The following PTPN12 variants were observed in gnomAD, a reference collection of about 807,000 sequenced individuals.
PTPN12 encodes the protein protein tyrosine phosphatase non-receptor type 12, also known as tyrosine-protein phosphatase non-receptor type 12.
A neutral mutation model predicts 97.6 loss-of-function variants in PTPN12; 29 were observed. The observed-to-expected ratio is 0.30, with a 90% CI of 0.22 to 0.41. PTPN12 has a LOEUF of 0.41. Among genes scored for constraint, PTPN12 ranks in the 10% least tolerant of loss-of-function variants. PTPN12 has a pLI of 1.00. For missense variants in PTPN12, 819 were observed against 926.0 expected (o/e 0.88, Z 1.50); for synonymous variants, 327 against 300.4 (o/e 1.09, Z -0.91).
At chr7:77,637,128 C>A in intron 16 of PTPN12, 80 bp downstream of exon 16, 1 of 1,119,810 alleles carries the variant, frequency 8.9e-7, no homozygotes, top group South Asian at 1.3e-5. Flanking sequence ...CTTCATAGTT[C>A]ATGCTATATA....
chr7:77,613,167 GTTTTTTTTTT>G (rs576216122), intron 11 of PTPN12, among the ~76,000 whole-genome samples: 5 of 88,562 alleles, frequency 5.6e-5, no homozygotes, highest in East Asian at 8.1e-4. Context: ...TAATTTTTGG[GTTTTTTTTTT>G]TTTTTTTTTT....
At chr7:77,546,377 A>G (rs902910456) in intron 1 of PTPN12, among the ~76,000 whole-genome samples, 1 of 152,244 alleles carries the variant, frequency 6.6e-6, no homozygotes, top group African/African-American at 2.4e-5. Context: ...TGAAAACTTG[A>G]TAAGGTAAAT....
At chr7:77,551,125 A>T (rs1807461676) in intron 1 of PTPN12, among the ~76,000 whole-genome samples, 1 of 152,108 alleles carries the variant, frequency 6.6e-6, no homozygotes, top group South Asian at 2.1e-4. Flanking sequence ...CAGGGGCATG[A>T]TCTCTGCTCA....
chr7:77,617,268 G>T (rs750434983), intron 11 of PTPN12, among the ~76,000 whole-genome samples: 1 of 152,020 alleles, frequency 6.6e-6, no homozygotes, highest in Non-Finnish European at 1.5e-5. Context: ...AAATTATATG[G>T]TCACCCTACC....
At chr7:77,604,705 G>A (rs914951400) in intron 8 of PTPN12, among the ~76,000 whole-genome samples, 3 of 151,840 alleles carry the variant, frequency 2.0e-5, no homozygotes, top group Non-Finnish European at 4.4e-5. Context: ...TAACACAATA[G>A]TGTATATATT....
At chr7:77,548,160 T>C (rs969304755) in intron 1 of PTPN12, among the ~76,000 whole-genome samples, 1 of 152,198 alleles carries the variant, frequency 6.6e-6, no homozygotes, top group East Asian at 1.9e-4. Flanking sequence ...ATGACTAGAT[T>C]AGTGTTTCTC....
At chr7:77,581,317 A>G (rs779515537) in intron 2 of PTPN12, 110 bp from the exon 3 acceptor site, 1 of 568,880 alleles carries the variant, frequency 1.8e-6, no homozygotes, top group Non-Finnish European at 3.0e-6. Context: ...ATTTTCATCC[A>G]TTGTTTTTTA....
intron 2 of PTPN12, among the ~76,000 whole-genome samples, chr7:77,576,785 T>C (rs1312325590): frequency 6.6e-6 from 1 of 152,222 alleles, no homozygotes; most frequent in South Asian, 2.1e-4. Flanking sequence ...TGCCGGGTGT[T>C]AATGGTGGCC....
chr7:77,610,116 T>C (rs1286740438), intron 9 of PTPN12, among the ~76,000 whole-genome samples: 1 of 152,216 alleles, frequency 6.6e-6, no homozygotes, highest in Non-Finnish European at 1.5e-5. Flanking sequence ...CATGTCAACA[T>C]TGCCTATTGC....
At chr7:77,592,661 A>G (rs1787904522) in intron 6 of PTPN12, among the ~76,000 whole-genome samples, 1 of 152,146 alleles carries the variant, frequency 6.6e-6, no homozygotes, top group African/African-American at 2.4e-5. Flanking sequence ...AAATTGTTAT[A>G]ATTATATATA....
At chr7:77,559,441 C>T (rs1331875175) in intron 1 of PTPN12, among the ~76,000 whole-genome samples, 1 of 151,946 alleles carries the variant, frequency 6.6e-6, no homozygotes, top group East Asian at 1.9e-4. Flanking sequence ...GCACATTTTC[C>T]CTTGATGGTA....
chr7:77,635,635 T>A, intron 14 of PTPN12, 147 bp from the exon 15 acceptor site: 1 of 478,240 alleles, frequency 2.1e-6, no homozygotes, highest in East Asian at 3.5e-5. Flanking sequence ...TTTAGAAACT[T>A]CAGAAATATG....
chr7:77,542,892 G>C (rs144111561), intron 1 of PTPN12, among the ~76,000 whole-genome samples: 127 of 152,282 alleles, frequency 8.3e-4, no homozygotes, highest in African/African-American at 2.8e-3. Context: ...CATAATATAA[G>C]CATGTAGGAG....
At chr7:77,571,641 A>C (rs1411598237) in intron 2 of PTPN12, among the ~76,000 whole-genome samples, 1 of 152,174 alleles carries the variant, frequency 6.6e-6, no homozygotes, top group Non-Finnish European at 1.5e-5. Flanking sequence ...CAGCAGTCTG[A>C]ATATGTGCCT....
intron 1 of PTPN12, among the ~76,000 whole-genome samples, chr7:77,543,089 C>G (rs1457007555): frequency 6.6e-6 from 1 of 152,058 alleles, no homozygotes; most frequent in East Asian, 1.9e-4. Context: ...GGGAGAGTTT[C>G]AAGAAAGGAG....
intron 9 of PTPN12, among the ~76,000 whole-genome samples, chr7:77,610,537 C>G (rs1788535980): frequency 6.6e-6 from 1 of 152,116 alleles, no homozygotes. Context: ...CTGTATACTG[C>G]AGTCATACTT....
In PTPN12 at chr7:77,604,209, C is replaced by CTTTTTTTTT. The variant is rs71082768; in HGVS notation, c.696-3010_696-3002dup. Among the ~76,000 whole-genome samples the CTTTTTTTTT allele has an allele frequency of 1.1e-3, 57 of 52,798 alleles. 10 individuals are homozygous for CTTTTTTTTT. Among genetic ancestry groups the CTTTTTTTTT allele is most frequent in the African/African-American group, 3.0e-3 (35 of 11,518 alleles). 34.6% of individuals were successfully genotyped at this position (52,798 alleles called of 152,430 possible). A position where few individuals can be genotyped will look rare whatever the true frequency, so the allele number is the denominator to read the frequency against. ...AGCCTTTGTTTGCATTTTTTTCTTC[C>CTTTTTTTTT]TTTTTTTTTTTTTTTTTTTTTTTTG... On this transcript the variant is annotated intron_variant, in intron 8 of 17. Transcript: ENST00000248594.
Position 77,638,733 on chromosome 7 carries a change from TAATTTGTTTAATA to T in PTPN12, c.2281+6_2281+18del. 6.3e-7 allele frequency: 1 copy of T among 1,592,954 alleles called. No individual in the cohort carries two copies. Among genetic ancestry groups the T allele is most frequent in the Non-Finnish European group, 8.5e-7 (1 of 1,173,760 alleles). On this transcript the variant is annotated splice_donor_5th_base_variant and intron_variant, in intron 17 of 17. Transcript: ENST00000248594. Reference sequence around the variant, plus strand: ...ATCCAACAGAAGCCACAGATATTGGTAATTTGTTTAATAAATAATTTTTAGTAAGTAGTTAACA... The same window carrying T: ...ATCCAACAGAAGCCACAGATATTGGTAATAATTTTTAGTAAGTAGTTAACA...
Position 77,578,901 on chromosome 7 carries a change from C to CT in PTPN12, c.209-2522dup, listed in dbSNP as rs566095168. The stretch of plus-strand genomic sequence containing the variant: ...TAAAAGGGAAAGGCAGTAACTTTCC[C>CT]TTTTGGTAACCAAGCAATACCATAT... On this transcript the variant is annotated intron_variant, in intron 2 of 17. Coordinates refer to ENST00000248594, the MANE Select transcript of PTPN12 (RefSeq NM_002835.4). Among the ~76,000 whole-genome samples, 22 of 152,196 alleles carry CT rather than the reference C, an allele frequency of 1.4e-4. No individual in the cohort carries two copies. In the South Asian group the frequency reaches 4.1e-3, roughly 29 times the overall value.
Sources: gnomAD v4.1 joint callset for allele counts (sites outside exome capture counted in the v4.1 genomes callset) on GRCh38, gnomAD v4.1.1 for gene constraint, MANE v1.5 for transcripts, NCBI Gene and HGNC (gene_info 2026-07-23, HGNC 2026-07-21) for gene names.